SYT9: variants seen among roughly 807,000 people sequenced by gnomAD.
SYT9 encodes synaptotagmin-9.
In SYT9, 22 loss-of-function variants were observed where a neutral mutation model predicts 48.4. The observed-to-expected ratio is 0.45, with a 90% CI of 0.32 to 0.65. SYT9 has a LOEUF of 0.65. SYT9 is among the 30% of genes least tolerant of loss of function. The pLI is 0.03. For missense variants in SYT9, 577 were observed against 622.0 expected, an observed-to-expected ratio of 0.93 and a Z score of 0.77; for synonymous variants, 265 against 245.0, an observed-to-expected ratio of 1.08 and a Z score of -0.76.
intron 5 of SYT9, among the ~76,000 whole-genome samples, chr11:7,419,534 C>G (rs1249331328): frequency 6.6e-6 from 1 of 152,076 alleles, no homozygotes; most frequent in East Asian, 1.9e-4. Flanking sequence ...ATACCAGGGA[C>G]TTTTTAAAAA....
At chr11:7,344,560 T>C (rs555402045) in intron 3 of SYT9, among the ~76,000 whole-genome samples, 1 of 152,322 alleles carries the variant, frequency 6.6e-6, no homozygotes, top group South Asian at 2.1e-4. Context: ...ACAATCCATT[T>C]TGAGTTAATT....
intron 3 of SYT9, among the ~76,000 whole-genome samples, chr11:7,414,847 G>A (rs1411802924): frequency 1.3e-5 from 2 of 152,170 alleles, no homozygotes; most frequent in Admixed American, 1.3e-4. Context: ...GAACTGAGAA[G>A]GGGAGGGAAA....
chr11:7,318,292 A>G (rs1418729537), intron 3 of SYT9, among the ~76,000 whole-genome samples: 1 of 149,244 alleles, frequency 6.7e-6, no homozygotes, highest in Non-Finnish European at 1.5e-5. Flanking sequence ...TATATCTTCT[A>G]TTTGGCAGTC....
chr11:7,387,838 T>C (rs911156857), intron 3 of SYT9, among the ~76,000 whole-genome samples: 3 of 152,204 alleles, frequency 2.0e-5, no homozygotes, highest in African/African-American at 7.2e-5. Context: ...TTCATATGTT[T>C]AATCAACCAT....
At chr11:7,339,981 T>G (rs1258602517) in intron 3 of SYT9, among the ~76,000 whole-genome samples, 1 of 152,230 alleles carries the variant, frequency 6.6e-6, no homozygotes, top group African/African-American at 2.4e-5. Context: ...CCTCATACCT[T>G]TCAGGAATGA....
At chr11:7,388,985 G>C (rs1236532760) in intron 3 of SYT9, among the ~76,000 whole-genome samples, 1 of 152,182 alleles carries the variant, frequency 6.6e-6, no homozygotes, top group Non-Finnish European at 1.5e-5. Flanking sequence ...GAAAATATGT[G>C]TGAAAAGGAA....
At chr11:7,330,871 A>G (rs1047386866) in intron 3 of SYT9, among the ~76,000 whole-genome samples, 2 of 151,972 alleles carry the variant, frequency 1.3e-5, no homozygotes, top group Non-Finnish European at 2.9e-5. Context: ...TAATTTTTGT[A>G]TTTTTAGTAG....
chr11:7,248,610 G>C (rs1228682646), upstream of SYT9, among the ~76,000 whole-genome samples: 1 of 151,834 alleles, frequency 6.6e-6, no homozygotes, highest in East Asian at 1.9e-4. Context: ...AAATACTTAG[G>C]AATATACCTA....
chr11:7,414,211 G>T (rs182842330), intron 3 of SYT9, among the ~76,000 whole-genome samples: 1 of 152,312 alleles, frequency 6.6e-6, no homozygotes, highest in East Asian at 1.9e-4. Context: ...TATGTTGAAA[G>T]AATTGATTAG....
chr11:7,307,919 C>T (rs1259081850), intron 2 of SYT9, among the ~76,000 whole-genome samples: 2 of 152,210 alleles, frequency 1.3e-5, no homozygotes, highest in Non-Finnish European at 2.9e-5. Context: ...GTGTATCCAC[C>T]TACCCTTGAC....
At chr11:7,421,837 C>T (rs915330591) in intron 6 of SYT9, among the ~76,000 whole-genome samples, 3 of 152,162 alleles carry the variant, frequency 2.0e-5, no homozygotes, top group African/African-American at 7.2e-5. Context: ...AACTAATCTT[C>T]GAGAGGCACA....
chr11:7,310,566 C>T (rs188923139), intron 2 of SYT9, among the ~76,000 whole-genome samples: 1,882 of 151,702 alleles, frequency 0.012, 22 homozygotes, highest in Middle Eastern at 0.048. Flanking sequence ...CCTGCCTCAG[C>T]CTCCCAAGTA....
intron 1 of SYT9, among the ~76,000 whole-genome samples, chr11:7,272,642 C>T (rs952336644): frequency 5.3e-5 from 8 of 152,114 alleles, no homozygotes; most frequent in Admixed American, 1.3e-4. Flanking sequence ...ATTACCTTTT[C>T]GTGGAGGATA....
At chr11:7,426,865 C>A (rs1450203930) in intron 6 of SYT9, among the ~76,000 whole-genome samples, 2 of 152,100 alleles carry the variant, frequency 1.3e-5, no homozygotes, top group African/African-American at 4.8e-5. Flanking sequence ...TTTGGATCCC[C>A]TTTTTCTCAA....
intron 3 of SYT9, among the ~76,000 whole-genome samples, chr11:7,338,957 T>C (rs1175654582): frequency 6.6e-6 from 1 of 152,206 alleles, no homozygotes; most frequent in Non-Finnish European, 1.5e-5. Flanking sequence ...AGTCTCCCAC[T>C]ATTATTGTGT....
In SYT9 at chr11:7,424,825, A is replaced by G. The variant is rs12099064; in HGVS notation, c.1467+4190A>G. Among the ~76,000 whole-genome samples, 1,199 of 152,320 alleles carry G rather than the reference A, an allele frequency of 7.9e-3. 17 individuals carry two copies. The highest frequency in any genetic ancestry group is 0.028 in the South Asian group (135 of 4,828). On this transcript the variant is annotated intron_variant, in intron 6 of 6. Coordinates refer to ENST00000318881, the MANE Select transcript of SYT9 (RefSeq NM_175733.4). The stretch of plus-strand genomic sequence containing the variant: ...GTGCATACACGTACATACAGCTACA[A>G]AAGTTCTGCATGTCTGACTGTCTGC...
At chr11:7,267,474 T>C (rs16924131) in intron 1 of SYT9, among the ~76,000 whole-genome samples, 3,471 of 151,664 alleles carry the variant, frequency 0.023, 48 homozygotes, top group Middle Eastern at 0.041. Flanking sequence ...ATGCCAAAAC[T>C]CTAAACACTT....
chr11:7,388,745 A>G (rs1850707628), intron 3 of SYT9, among the ~76,000 whole-genome samples: 1 of 152,142 alleles, frequency 6.6e-6, no homozygotes, highest in African/African-American at 2.4e-5. Context: ...TTATTTAGAA[A>G]TATTTTCAAA....
chr11:7,313,773 G>A lies in SYT9; in HGVS notation c.876G>A (p.Pro292=), dbSNP rs778344714. Residue 292 remains proline, a synonymous_variant, in exon 3 of 7, where the codon CCG becomes CCA. Coordinates refer to ENST00000318881, the MANE Select transcript of SYT9 (RefSeq NM_175733.4). ...TGTTTGATGAAGTGTTTTTATTTCCGGTTCCCTACAATGACCTTGAAGCAC... is the reference window on the plus strand; with the variant it reads ...TGTTTGATGAAGTGTTTTTATTTCCAGTTCCCTACAATGACCTTGAAGCAC... ...NPVFDEVFLF[P]VPYNDLEARK... is the part of the protein sequence containing the mutation. The A allele has an allele frequency of 6.2e-6, 10 of 1,614,122 alleles. No individual in the cohort carries two copies. Among genetic ancestry groups the A allele is most frequent in the South Asian group, 2.2e-5 (2 of 91,078 alleles).
Sources: allele counts gnomAD v4.1 joint callset (sites outside exome capture counted in the v4.1 genomes callset), GRCh38; gene constraint gnomAD v4.1.1; transcripts MANE v1.5; gene names NCBI Gene and HGNC (gene_info 2026-07-23, HGNC 2026-07-21).